Variants in MYOT observed in about 807,000 individuals in gnomAD.
MYOT encodes 57 kDa cytoskeletal protein.
Under a neutral mutation model 58.0 loss-of-function variants are expected in MYOT, and 36 were observed. The observed-to-expected ratio is 0.62, with a 90% confidence interval of 0.48 to 0.82. MYOT has a LOEUF of 0.82. Among genes scored for constraint, MYOT ranks in the 40% least tolerant of loss-of-function variants. The pLI is 0.00. For synonymous variants in MYOT, 218 were observed against 204.6 expected, an observed-to-expected ratio of 1.07 and a Z score of -0.56; for missense variants, 505 against 592.1, an observed-to-expected ratio of 0.85 and a Z score of 1.53.
chr5:137,876,029 A>G, intron 3 of MYOT, 26 bp downstream of exon 3: 1 of 1,611,484 alleles, frequency 6.2e-7, no homozygotes, highest in Non-Finnish European at 8.5e-7. Flanking sequence ...ATTTTGTACA[A>G]AAGGCCAATT....
At chr5:137,875,176 A>G (rs1755170249) in intron 2 of MYOT, among the ~76,000 whole-genome samples, 1 of 152,190 alleles carries the variant, frequency 6.6e-6, no homozygotes, top group Non-Finnish European at 1.5e-5. Flanking sequence ...CAAAGAACAA[A>G]ATTACGTCCT....
At chr5:137,872,740 T>C (rs1755090778) in intron 2 of MYOT, among the ~76,000 whole-genome samples, 2 of 152,286 alleles carry the variant, frequency 1.3e-5, no homozygotes, top group South Asian at 4.1e-4. Flanking sequence ...AAAGCTTTAT[T>C]TAGATTTTCA....
chr5:137,869,880 A>G (rs1190472960), intron 1 of MYOT, among the ~76,000 whole-genome samples: 3 of 151,418 alleles, frequency 2.0e-5, no homozygotes, highest in South Asian at 2.1e-4. Context: ...AGCCTGTAAC[A>G]TATGTTCTAC....
chr5:137,876,142 C>G (rs759902734), intron 3 of MYOT, 139 bp downstream of exon 3: 2 of 886,088 alleles, frequency 2.3e-6, no homozygotes, highest in African/African-American at 1.7e-5. Context: ...TATTTGGGCC[C>G]TATTCCATTT....
chr5:137,870,527 T>C lies in MYOT; in HGVS notation c.-125T>C. 4.7e-6 allele frequency: 4 copies of C among 848,976 alleles called. No homozygotes were observed. The highest frequency in any genetic ancestry group is 8.2e-6 in the Non-Finnish European group (4 of 488,756). 52.6% of individuals were successfully genotyped at this position (848,976 alleles called of 1,614,324 possible). A position where few individuals can be genotyped will look rare whatever the true frequency, so the allele number is the denominator to read the frequency against. ...CTCAACAAGGAAGAGCAGACCAAGG[T>C]TGCTTCTGATTCCTTACAACCTTCC... is the stretch of plus-strand genomic sequence containing the variant. On this transcript the variant is annotated 5_prime_UTR_variant, in exon 2 of 10. Transcript: ENST00000239926.
At chr5:137,876,385 G>T (rs766399542) in intron 3 of MYOT, among the ~76,000 whole-genome samples, 24 of 152,156 alleles carry the variant, frequency 1.6e-4, no homozygotes, top group Admixed American at 3.3e-4. Flanking sequence ...TCCTTATTGT[G>T]TATATTATAT....
rs1561663475 is a variant in MYOT at position 137,882,116 on chromosome 5, G to A, written c.816+11G>A. The A allele has an allele frequency of 1.2e-6, 2 of 1,613,986 alleles. No homozygotes were observed. The highest frequency in any genetic ancestry group is 1.7e-5 in the Admixed American group (1 of 60,024). Reference sequence around the variant, plus strand: ...AGAATGGACTTCAAAGTAAGAGAAGGGTTCAAAAGTACTGGGGGAAAATTA... The same window carrying A: ...AGAATGGACTTCAAAGTAAGAGAAGAGTTCAAAAGTACTGGGGGAAAATTA... On this transcript the variant is annotated intron_variant, in intron 6 of 9. Transcript: ENST00000239926.
At chr5:137,875,340 G>A (rs577983259) in intron 2 of MYOT, among the ~76,000 whole-genome samples, 11 of 152,212 alleles carry the variant, frequency 7.2e-5, no homozygotes, top group South Asian at 6.2e-4. Flanking sequence ...TGGAGATCCC[G>A]AAAGCAGGGA....
In MYOT at chr5:137,877,503, C is replaced by T. The variant is rs766158474; in HGVS notation, c.532-17C>T. On this transcript the variant is annotated splice_polypyrimidine_tract_variant and intron_variant, in intron 3 of 9. Coordinates refer to ENST00000239926, the MANE Select transcript of MYOT (RefSeq NM_006790.3). ...CTTTTATTAAATCTAATTACTGTCTCAATAAATTCTCTAAAGCGTCTAACA... is the reference window on the plus strand; with the variant it reads ...CTTTTATTAAATCTAATTACTGTCTTAATAAATTCTCTAAAGCGTCTAACA... 2 of 1,550,932 alleles carry T rather than the reference C, an allele frequency of 1.3e-6. No individual in the cohort carries two copies. The highest frequency in any genetic ancestry group is 1.7e-5 in the Admixed American group (1 of 59,832).
rs887286524 is a variant in MYOT at position 137,867,891 on chromosome 5, G to A, written c.-274G>A. On this transcript the variant is annotated 5_prime_UTR_variant, in exon 1 of 10. Coordinates refer to ENST00000239926, the MANE Select transcript of MYOT (RefSeq NM_006790.3). ...CCACTAGATTAGTCTGTGAGGGAAG[G>A]AGATGCCTCTTCCTTCCCTTCAATA... The A allele has an allele frequency of 2.0e-5, 3 of 152,192 alleles. No individual in the cohort carries two copies. Among genetic ancestry groups the A allele is most frequent in the Non-Finnish European group, 4.4e-5 (3 of 68,040 alleles). 9.4% of individuals were successfully genotyped at this position (152,192 alleles called of 1,614,324 possible).
intron 4 of MYOT, among the ~76,000 whole-genome samples, chr5:137,880,172 T>C (rs1755380226): frequency 6.6e-6 from 1 of 152,214 alleles, no homozygotes. Context: ...TTTTCATAAA[T>C]CCCTGATTTT....
intron 2 of MYOT, among the ~76,000 whole-genome samples, chr5:137,873,080 T>C (rs1174617123): frequency 6.6e-6 from 1 of 152,186 alleles, no homozygotes; most frequent in African/African-American, 2.4e-5. Flanking sequence ...ACATCAGTGA[T>C]TCTCAGGATT....
At chr5:137,874,565 G>A (rs562889694) in intron 2 of MYOT, among the ~76,000 whole-genome samples, 1 of 152,294 alleles carries the variant, frequency 6.6e-6, no homozygotes, top group East Asian at 1.9e-4. Flanking sequence ...ATACATTTAA[G>A]CTACCTAACA....
chr5:137,875,858 T>A lies in MYOT; in HGVS notation c.386T>A (p.Ile129Lys). The part of the protein sequence containing the change: ...NYQQSSAGQP[I>K]NAKPSQTANA... Reference sequence around the variant, plus strand: ...CAACAGTCCTCAGCTGGCCAACCTATAAATGCAAAGCCATCCCAAACTGCA... The same window carrying A: ...CAACAGTCCTCAGCTGGCCAACCTAAAAATGCAAAGCCATCCCAAACTGCA... Residue 129 changes from isoleucine (I) to lysine (K), a missense_variant, in exon 3 of 10, where the codon ATA (isoleucine) becomes AAA (lysine). Physicochemically the swap from Ile to Lys is moderately radical, Grantham distance 102 (BLOSUM62 -3). Transcript: ENST00000239926. The A allele has an allele frequency of 1.2e-6, 2 of 1,614,048 alleles. No homozygotes were observed. The highest frequency in any genetic ancestry group is 4.5e-5 in the East Asian group (2 of 44,856).
chr5:137,871,633 G>A (rs768439816), intron 2 of MYOT, among the ~76,000 whole-genome samples: 1 of 152,192 alleles, frequency 6.6e-6, no homozygotes, highest in African/African-American at 2.4e-5. Flanking sequence ...TTACGGTTTC[G>A]TTTGGTAATT....
At chr5:137,886,332 A>G (rs1312726673) in intron 8 of MYOT, 119 bp downstream of exon 8, 1 of 526,036 alleles carries the variant, frequency 1.9e-6, no homozygotes, top group Non-Finnish European at 3.1e-6. Flanking sequence ...AAAACACTAA[A>G]GAATAATATA....
At position 137,887,400 on chromosome 5, in the gene MYOT, T is replaced by C. The variant is rs369164987; in HGVS notation, c.*15T>C. ...AAGAACTTTAATAACTTTACCAACA[T>C]TGGAAAACAGCCAACTACACCATTA... On this transcript the variant is annotated 3_prime_UTR_variant, in exon 10 of 10. Transcript: ENST00000239926. The C allele has an allele frequency of 3.0e-5, 48 of 1,613,232 alleles. No individual in the cohort carries two copies. The highest frequency in any genetic ancestry group is 6.7e-5 in the Admixed American group (4 of 60,004).
intron 7 of MYOT, among the ~76,000 whole-genome samples, chr5:137,884,076 G>C (rs1755520783): frequency 6.6e-6 from 1 of 152,190 alleles, no homozygotes; most frequent in Non-Finnish European, 1.5e-5. Flanking sequence ...GCTGGGTATA[G>C]TGACTCAGGC....
chr5:137,870,927 C>T lies in MYOT; in HGVS notation c.276C>T (p.Ser92=). 6.2e-7 allele frequency: 1 copy of T among 1,614,202 alleles called. No homozygotes were observed. The highest frequency in any genetic ancestry group is 8.5e-7 in the Non-Finnish European group (1 of 1,180,034). Residue 92 remains serine, a synonymous_variant, in exon 2 of 10, where the codon TCC becomes TCT. Transcript: ENST00000239926. ...GGGTTACAACCACCTATAACCAGTC[C>T]CCAGCCAGCTTCCTCAGCTCCATAT... ...GQRVTTTYNQ[S]PASFLSSILP... is the part of the protein sequence containing the mutation.
Sources: allele counts gnomAD v4.1 joint callset (sites outside exome capture counted in the v4.1 genomes callset), GRCh38; gene constraint gnomAD v4.1.1; transcripts MANE v1.5; gene names NCBI Gene and HGNC (gene_info 2026-07-23, HGNC 2026-07-21).